The following TLK1 variants were observed in gnomAD, a reference collection of about 807,000 sequenced individuals.
TLK1 encodes tousled like kinase 1.
TLK1 carries 24 observed loss-of-function variants against 105.3 expected under a neutral mutation model. The ratio of observed to expected loss-of-function variants is 0.23; its 90% CI spans 0.17 to 0.32. The LOEUF (loss-of-function observed/expected upper bound fraction) is 0.32, where lower values mean the gene tolerates loss of function less well. Ranked by LOEUF, TLK1 falls within the 10% of genes least tolerant of loss-of-function variation. TLK1 has a pLI of 1.00. For missense variants in TLK1, 558 were observed against 910.5 expected (o/e 0.61, Z 4.98); for synonymous variants, 321 against 310.4 (o/e 1.03, Z -0.36).
chr2:171,007,038 T>G lies in TLK1; in HGVS notation c.1442A>C (p.Tyr481Ser). The change falls in exon 15 of 21, where the codon TAT (tyrosine) becomes TCT (serine). Residue 481 changes from tyrosine (Y) to serine (S), a missense_variant. Physicochemically the swap from Tyr to Ser is moderately radical, Grantham distance 144. This residue lies in a region of TLK1 where 218 missense variants were observed against 492.9 expected (regional missense o/e 0.44). Transcript: ENST00000431350. ...AAGCTGATGTATCTTCACAGCAGCA[T>G]ATCTTTGTTCATAAAGGTCAAAAGC... ...YKAFDLYEQR[Y>S]AAVKIHQLNK... 1 of 1,607,850 alleles carries G rather than the reference T, an allele frequency of 6.2e-7. No homozygotes were observed. Among genetic ancestry groups the G allele is most frequent in the Non-Finnish European group, 8.5e-7 (1 of 1,178,550 alleles).
chr2:171,165,092 G>T (rs980963520), upstream of TLK1, among the ~76,000 whole-genome samples: 2 of 152,246 alleles, frequency 1.3e-5, no homozygotes, highest in Non-Finnish European at 2.9e-5. Context: ...AATCTCAAGA[G>T]CAAGAAGAGA....
chr2:171,160,376 T>G lies in TLK1; in HGVS notation c.53A>C (p.Gln18Pro). The G allele has an allele frequency of 6.2e-7, 1 of 1,605,818 alleles. No individual in the cohort carries two copies. The highest frequency in any genetic ancestry group is 8.5e-7 in the Non-Finnish European group (1 of 1,176,692). The change falls in exon 1 of 21, where the codon CAG becomes CCG. Residue 18 changes from glutamine (Q) to proline (P), a missense_variant. Gln to Pro is a moderately conservative substitution (Grantham distance 76). This residue lies in a region of TLK1 where 104 missense variants were observed against 116.0 expected (regional missense o/e 0.90). Coordinates refer to ENST00000431350, the MANE Select transcript of TLK1 (RefSeq NM_012290.5). This position sits in a 1 kb window ranked among gnomAD's most constrained non-coding sequence, Gnocchi z 4.4. ...GCCCGGGGTTGGAGACGTGGAGAGC[T>G]GGGACCAAGATGGCGGCCCCTCCAA... is the stretch of plus-strand genomic sequence containing the variant. ...GSLEGPPSWS[Q>P]LSTSPTPGSA... is the part of the protein sequence containing the mutation.
chr2:171,211,260 C>T (rs1693607546), intron 1 of TLK1, among the ~76,000 whole-genome samples: 1 of 152,184 alleles, frequency 6.6e-6, no homozygotes, highest in South Asian at 2.1e-4. Context: ...TGTTTTATTA[C>T]TTACTTTTAC....
At chr2:171,091,584 C>G (rs898149908) in intron 2 of TLK1, 1 of 152,110 alleles carries the variant, frequency 6.6e-6, no homozygotes, top group African/African-American at 2.4e-5. Flanking sequence ...TAAGGAGGGT[C>G]CTTCTCCCAT....
At chr2:171,131,483 C>T (rs1691105074) in intron 1 of TLK1, among the ~76,000 whole-genome samples, 1 of 152,158 alleles carries the variant, frequency 6.6e-6, no homozygotes, top group Admixed American at 6.6e-5. Flanking sequence ...AGTCATATGC[C>T]TGGTTGGCCT....
At chr2:170,997,210 T>C (rs1447982166) in intron 19 of TLK1, among the ~76,000 whole-genome samples, 1 of 152,152 alleles carries the variant, frequency 6.6e-6, no homozygotes, top group Non-Finnish European at 1.5e-5. Context: ...TAACCTCTCT[T>C]CCCCTATTGA....
intron 8 of TLK1, among the ~76,000 whole-genome samples, chr2:171,051,893 T>G (rs891919522): frequency 2.0e-5 from 3 of 152,178 alleles, no homozygotes; most frequent in African/African-American, 7.2e-5. Flanking sequence ...GATGAACAAC[T>G]GGTTATCCAT....
intron 11 of TLK1, among the ~76,000 whole-genome samples, chr2:171,040,524 T>C (rs1019015097): frequency 3.3e-5 from 5 of 151,848 alleles, no homozygotes; most frequent in Admixed American, 2.6e-4. Context: ...TAAAAAGAGA[T>C]AAGTAGTCTA....
chr2:171,149,960 G>A (rs1425549190), intron 1 of TLK1, among the ~76,000 whole-genome samples: 2 of 151,916 alleles, frequency 1.3e-5, no homozygotes, highest in Non-Finnish European at 2.9e-5. Context: ...ACGAACGAAA[G>A]ACTGTATAAT....
At position 170,992,706 on chromosome 2, in the gene TLK1, C is replaced by G. The variant is rs1328176115; in HGVS notation, c.*1074G>C. ...TCTGCTTTTTAATATCTATGATGTACAGTCAACTTGCACCTTCTAGGTCAT... is the reference window on the plus strand; with the variant it reads ...TCTGCTTTTTAATATCTATGATGTAGAGTCAACTTGCACCTTCTAGGTCAT... On this transcript the variant is annotated 3_prime_UTR_variant, in exon 21 of 21. Transcript: ENST00000431350. 6.6e-6 allele frequency: 1 copy of G among 152,554 alleles called. No homozygotes were observed. Among genetic ancestry groups the G allele is most frequent in the Non-Finnish European group, 1.5e-5 (1 of 68,006 alleles). The allele number at this position is 152,554 out of a possible 1,614,324, so 9.5% of individuals were successfully genotyped here.
rs768152516 is a variant in TLK1, at chr2:171,160,461, T to G, written c.-33A>C. ...CTTTCTGGGAACCCGACTCCCCCCC[T>G]GCGACGGCAGCGGCGGCAACGGCAC... On this transcript the variant is annotated 5_prime_UTR_variant, in exon 1 of 21. Transcript: ENST00000431350. The surrounding 1 kb of genome is among the most constrained non-coding windows in gnomAD (Gnocchi z 4.4). The G allele has an allele frequency of 1.3e-6, 2 of 1,581,388 alleles. No individual in the cohort carries two copies. Among genetic ancestry groups the G allele is most frequent in the Non-Finnish European group, 1.7e-6 (2 of 1,167,368 alleles).
chr2:171,202,775 C>CA (rs1693429013), intron 1 of TLK1, among the ~76,000 whole-genome samples: 1 of 151,802 alleles, frequency 6.6e-6, no homozygotes, highest in Admixed American at 6.6e-5. Flanking sequence ...CAAAACAAAA[C>CA]AAAAAAACAG....
At chr2:171,195,167 C>T (rs56267332) in intron 1 of TLK1, among the ~76,000 whole-genome samples, 19,522 of 152,146 alleles carry the variant, frequency 0.13, 2,068 homozygotes, top group African/African-American at 0.29. Context: ...ACACCCTTTT[C>T]CTGACAAGAT....
intron 1 of TLK1, among the ~76,000 whole-genome samples, chr2:171,166,758 A>G (rs1692617177): frequency 6.6e-6 from 1 of 152,196 alleles, no homozygotes; most frequent in Non-Finnish European, 1.5e-5. Context: ...GCTATGCACC[A>G]GGAGATAAGA....
chr2:171,204,011 G>A (rs868783081), intron 1 of TLK1, among the ~76,000 whole-genome samples: 5 of 151,874 alleles, frequency 3.3e-5, no homozygotes, highest in South Asian at 4.2e-4. Context: ...CTGAAATCAC[G>A]CCACTGTACT....
At chr2:171,069,609 T>C (rs1332749813) in intron 3 of TLK1, among the ~76,000 whole-genome samples, 1 of 152,124 alleles carries the variant, frequency 6.6e-6, no homozygotes, top group Admixed American at 6.6e-5. Flanking sequence ...GTGCAAAACG[T>C]CAATAATGTT....
At chr2:171,042,272 C>T (rs907508436) in intron 11 of TLK1, among the ~76,000 whole-genome samples, 1 of 151,846 alleles carries the variant, frequency 6.6e-6, no homozygotes, top group African/African-American at 2.4e-5. Flanking sequence ...CCTTTGAGGC[C>T]GGGTCTCACT....
Position 171,050,174 on chromosome 2 carries a change from C to A in TLK1, c.733G>T (p.Ala245Ser). 1 of 1,589,700 alleles carries A rather than the reference C, an allele frequency of 6.3e-7. No homozygotes were observed. Among genetic ancestry groups the A allele is most frequent in the Non-Finnish European group, 8.6e-7 (1 of 1,166,010 alleles). Reference sequence around the variant, plus strand: ...ATTTGCCGTCTGAGATCACAGTTAGCCTATGACATAAGTAGAAAATGCAAG... The same window carrying A: ...ATTTGCCGTCTGAGATCACAGTTAGACTATGACATAAGTAGAAAATGCAAG... ...KEGRIDDLLR[A>S]NCDLRRQIDE... The change falls in exon 9 of 21, where the codon GCT (alanine) becomes TCT (serine). Residue 245 changes from alanine (A) to serine (S), a missense_variant and splice_region_variant. Around this residue, in one of 5 missense-constraint regions of TLK1, gnomAD observed 196 missense variants for 239.3 expected, o/e 0.82. Coordinates refer to ENST00000431350, the MANE Select transcript of TLK1 (RefSeq NM_012290.5).
intron 11 of TLK1, among the ~76,000 whole-genome samples, chr2:171,041,802 T>C (rs1442301694): frequency 1.3e-5 from 2 of 152,176 alleles, no homozygotes; most frequent in Non-Finnish European, 2.9e-5. Context: ...TGATAGACAA[T>C]TGATAACTAG....
Sources: gnomAD v4.1 joint callset for allele counts (sites outside exome capture counted in the v4.1 genomes callset) on GRCh38, gnomAD v4.1.1 for gene constraint, gnomAD v4.1.1 regional missense constraint, Gnocchi (gnomAD v3.1) non-coding constraint, MANE v1.5 for transcripts, NCBI Gene and HGNC (gene_info 2026-07-23, HGNC 2026-07-21) for gene names.